The following TMEM114 variants were observed in gnomAD, a reference collection of about 807,000 sequenced individuals.
TMEM114 encodes the protein transmembrane protein 114, also known as claudin-26.
TMEM114 carries 6 observed loss-of-function variants against 6.2 expected under a neutral mutation model. That is an observed-to-expected ratio of 0.97 (90% CI 0.53 to 1.91). The LOEUF is 1.91. Ranked by LOEUF, TMEM114 falls within the 40% of genes most tolerant of loss-of-function variation. TMEM114 has a pLI of 0.01. For synonymous variants in TMEM114, 104 were observed against 73.0 expected (o/e 1.42, Z -2.16); for missense variants, 218 against 158.3 (o/e 1.38, Z -2.02).
intron 2 of TMEM114, among the ~76,000 whole-genome samples, chr16:8,553,645 C>G (rs112390106): frequency 0.075 from 11,402 of 152,194 alleles, 518 homozygotes; most frequent in Middle Eastern, 0.18. Context: ...GCCATCACGC[C>G]TCCTATTTTG....
rs894685540 is a variant in TMEM114, at chr16:8,539,791, A to C, written n.213-1965T>G. ...AAAAAAATGGAAGTAACTTTAAAAA[A>C]TTACAACTCACAAATATGCTATTTT... On this transcript the variant is annotated intron_variant and non_coding_transcript_variant, in intron 2 of 2. Coordinates refer to the TMEM114 transcript ENST00000623677. Among the ~76,000 whole-genome samples the C allele has an allele frequency of 4.6e-5, 7 of 152,340 alleles. No homozygotes were observed. In the East Asian group the frequency reaches 7.7e-4, roughly 17 times the overall value.
chr16:8,557,311 A>G (rs1901046262), intron 2 of TMEM114, among the ~76,000 whole-genome samples: 1 of 152,066 alleles, frequency 6.6e-6, no homozygotes, highest in Non-Finnish European at 1.5e-5. Flanking sequence ...GAACTGCCAT[A>G]TAAGCCTCCC....
the TMEM114 span, among the ~76,000 whole-genome samples, chr16:8,530,487 A>G: frequency 6.6e-6 from 1 of 152,152 alleles, no homozygotes; most frequent in Non-Finnish European, 1.5e-5. Context: ...GCAATAGCTA[A>G]TGTAGCCAAT....
At chr16:8,544,383 C>T (rs1194351130) in intron 2 of TMEM114, among the ~76,000 whole-genome samples, 3 of 152,160 alleles carry the variant, frequency 2.0e-5, no homozygotes, top group Non-Finnish European at 4.4e-5. Context: ...ACATGGTCTC[C>T]TCATTCAAGG....
chr16:8,584,922 CAA>C (rs905674847), intron 2 of TMEM114, among the ~76,000 whole-genome samples: 48 of 49,198 alleles, frequency 9.8e-4, no homozygotes, highest in African/African-American at 2.9e-3. Flanking sequence ...AACGCCGTCT[CAA>C]AAAAAAAAAA....
intron 2 of TMEM114, among the ~76,000 whole-genome samples, chr16:8,584,940 A>AAAAAAAAAAAAG (rs1409319481): frequency 2.1e-4 from 31 of 146,812 alleles, no homozygotes; most frequent in South Asian, 4.3e-4. Flanking sequence ...AAAAAAAAAA[A>AAAAAAAAAAAAG]AAGAAGAAGA....
intron 2 of TMEM114, among the ~76,000 whole-genome samples, chr16:8,563,325 A>ATGAC (rs1555463698): frequency 8.6e-6 from 1 of 115,786 alleles, no homozygotes; most frequent in Admixed American, 8.5e-5. Context: ...GAGGGAGGGT[A>ATGAC]TGAGTGAGTG....
rs779913424 is a variant in TMEM114 at position 8,569,762 on chromosome 16, A to G, written c.*11T>C. 3 of 1,545,354 alleles carry G rather than the reference A, an allele frequency of 1.9e-6. No individual in the cohort carries two copies. Among genetic ancestry groups the G allele is most frequent in the Non-Finnish European group, 2.6e-6 (3 of 1,143,098 alleles). The stretch of plus-strand genomic sequence containing the variant: ...AGCCCCTCCCTCCCCTCCACGACCC[A>G]GCGCCCAGGCTCATATGGCCTGGTC... On this transcript the variant is annotated 3_prime_UTR_variant, in exon 4 of 4. Transcript: ENST00000620492.
At chr16:8,580,700 T>C (rs1465203527) in intron 2 of TMEM114, among the ~76,000 whole-genome samples, 2 of 152,086 alleles carry the variant, frequency 1.3e-5, no homozygotes, top group Non-Finnish European at 2.9e-5. Context: ...TTTTTTGTTG[T>C]TTGTTTTTGA....
chr16:8,531,092 C>A, the TMEM114 span, among the ~76,000 whole-genome samples: 1 of 152,240 alleles, frequency 6.6e-6, no homozygotes, highest in East Asian at 1.9e-4. Context: ...AGGCCCATTG[C>A]AGCCTTTTGA....
At chr16:8,542,751 T>C (rs909983356) in intron 2 of TMEM114, among the ~76,000 whole-genome samples, 3 of 152,024 alleles carry the variant, frequency 2.0e-5, no homozygotes, top group African/African-American at 7.3e-5. Context: ...GGTTAGTGGG[T>C]TATCTGAGGG....
In TMEM114 at chr16:8,569,991, C is replaced by A. The variant is rs1396730567; in HGVS notation, c.454G>T (p.Ala152Ser). 1.9e-6 allele frequency: 3 copies of A among 1,549,596 alleles called. No homozygotes were observed. Among genetic ancestry groups the A allele is most frequent in the East Asian group, 4.9e-5 (2 of 40,864 alleles). The change falls in exon 4 of 4, where the codon GCT becomes TCT. Residue 152 changes from alanine to serine, a missense_variant. Physicochemically the swap from Ala to Ser is moderately conservative, Grantham distance 99. Transcript: ENST00000620492. ...LFLFGAMVTL[A>S]GISVYIAYSA... ...TACGCTATGTAGACGCTGATCCCAG[C>A]GAGGGTCACCATGGCTGCAGGGAGG...
chr16:8,562,024 G>A (rs1901238286), intron 2 of TMEM114, among the ~76,000 whole-genome samples: 1 of 149,824 alleles, frequency 6.7e-6, no homozygotes, highest in African/African-American at 2.5e-5. Context: ...GAATGTGTGA[G>A]TGAATGAGTG....
At chr16:8,555,104 G>C (rs1900965690) in intron 2 of TMEM114, among the ~76,000 whole-genome samples, 1 of 152,146 alleles carries the variant, frequency 6.6e-6, no homozygotes, top group Non-Finnish European at 1.5e-5. Context: ...GTTTTCTCTG[G>C]TTTTGCCCAT....
chr16:8,536,963 G>C (rs1253241114), downstream of TMEM114, among the ~76,000 whole-genome samples: 4 of 150,954 alleles, frequency 2.6e-5, no homozygotes, highest in African/African-American at 9.8e-5. Flanking sequence ...ATTCCATCAG[G>C]TGTGAGCCAA....
chr16:8,548,909 G>T (rs556505002), intron 2 of TMEM114, among the ~76,000 whole-genome samples: 1 of 152,126 alleles, frequency 6.6e-6, no homozygotes, highest in Non-Finnish European at 1.5e-5. Context: ...CTCGCCAGGC[G>T]CAGTGGCTCA....
downstream of TMEM114, among the ~76,000 whole-genome samples, chr16:8,567,154 CTGTCTTGGCA>C: frequency 6.6e-6 from 1 of 151,976 alleles, no homozygotes; most frequent in Non-Finnish European, 1.5e-5. Context: ...GGTGACCTGC[CTGTCTTGGCA>C]TCCCAAAGTG....
At chr16:8,586,800 A>G (rs1326905033) in intron 2 of TMEM114, among the ~76,000 whole-genome samples, 1 of 152,120 alleles carries the variant, frequency 6.6e-6, no homozygotes, top group East Asian at 1.9e-4. Flanking sequence ...ATGAGCCACC[A>G]CGCCTGGCCG....
At chr16:8,532,594 G>A in the TMEM114 span, among the ~76,000 whole-genome samples, 1 of 152,164 alleles carries the variant, frequency 6.6e-6, no homozygotes, top group Non-Finnish European at 1.5e-5. Flanking sequence ...TATTCCAGAT[G>A]CTCAACCTAC....
Sources: allele counts gnomAD v4.1 joint callset (sites outside exome capture counted in the v4.1 genomes callset), GRCh38; gene constraint gnomAD v4.1.1; transcripts MANE v1.5; gene names NCBI Gene and HGNC (gene_info 2026-07-23, HGNC 2026-07-21).